GPHN: variants seen among roughly 807,000 people sequenced by gnomAD.
GPHN encodes the protein gephyrin.
Under a neutral mutation model 95.5 loss-of-function variants are expected in GPHN, and 17 were observed. The observed-to-expected ratio is 0.18, with a 90% CI of 0.12 to 0.27. The LOEUF is 0.27. Ranked by LOEUF, GPHN falls within the 10% of genes least tolerant of loss-of-function variation. The pLI is 1.00. For synonymous variants in GPHN, 320 were observed against 322.5 expected (o/e 0.99, Z 0.08); for missense variants, 660 against 978.1 (o/e 0.67, Z 4.34).
intron 6 of GPHN, among the ~76,000 whole-genome samples, chr14:66,921,997 T>C (rs748202052): frequency 3.9e-5 from 6 of 152,132 alleles, no homozygotes; most frequent in Non-Finnish European, 8.8e-5. Context: ...CTGGGATAAT[T>C]GGCTAGCCCT....
the GPHN span, among the ~76,000 whole-genome samples, chr14:67,194,764 T>A: frequency 2.6e-5 from 4 of 152,260 alleles, no homozygotes; most frequent in African/African-American, 9.6e-5. Flanking sequence ...TTCAAGTGAT[T>A]CTCCTGCCTC....
chr14:66,545,537 G>A (rs867199778), intron 1 of GPHN, among the ~76,000 whole-genome samples: 302 of 79,640 alleles, frequency 3.8e-3, no homozygotes, highest in African/African-American at 0.02. Flanking sequence ...CCTCCCGGAC[G>A]GGGCGGCTGG....
chr14:67,673,377 G>T, the GPHN span, among the ~76,000 whole-genome samples: 1 of 151,910 alleles, frequency 6.6e-6, no homozygotes, highest in Non-Finnish European at 1.5e-5. Context: ...AAATAAAACT[G>T]AAGTCCCATC....
intron 10 of GPHN, among the ~76,000 whole-genome samples, chr14:67,049,315 C>T (rs1168961570): frequency 2.0e-5 from 3 of 152,052 alleles, no homozygotes; most frequent in African/African-American, 7.2e-5. Context: ...GCAAGCTCCG[C>T]CTCCCGGGTT....
At chr14:67,630,227 A>G in the GPHN span, among the ~76,000 whole-genome samples, 2 of 152,346 alleles carry the variant, frequency 1.3e-5, no homozygotes, top group South Asian at 2.1e-4. Flanking sequence ...GGTATCATAG[A>G]TAACAGTGCC....
chr14:67,687,063 G>A, the GPHN span, among the ~76,000 whole-genome samples: 1 of 152,186 alleles, frequency 6.6e-6, no homozygotes, highest in Non-Finnish European at 1.5e-5. Flanking sequence ...CAGGCAAAAG[G>A]GTTCTGATGA....
chr14:67,182,614 G>A (rs1221330102), downstream of GPHN, among the ~76,000 whole-genome samples: 1 of 152,048 alleles, frequency 6.6e-6, no homozygotes, highest in African/African-American at 2.4e-5. Context: ...TTATGTGCTT[G>A]GGTACAAAGT....
At chr14:66,571,231 G>T (rs185504254) in intron 1 of GPHN, among the ~76,000 whole-genome samples, 271 of 152,222 alleles carry the variant, frequency 1.8e-3, no homozygotes, top group African/African-American at 6.2e-3. Context: ...AGTGGGAAGA[G>T]CCCCTTAGAA....
the GPHN span, among the ~76,000 whole-genome samples, chr14:67,638,039 G>A: frequency 0.012 from 1,773 of 152,260 alleles, 33 homozygotes; most frequent in African/African-American, 0.041. Context: ...CAAAGTCCTA[G>A]GCATGAGAGC....
At chr14:66,548,567 G>A (rs8012784) in intron 1 of GPHN, among the ~76,000 whole-genome samples, 38,422 of 152,056 alleles carry the variant, frequency 0.25, 9,777 homozygotes, top group African/African-American at 0.62. Flanking sequence ...TTCCACCGAC[G>A]AGCAGTTTCC....
the GPHN span, among the ~76,000 whole-genome samples, chr14:67,513,513 C>A: frequency 5.9e-5 from 9 of 152,176 alleles, no homozygotes; most frequent in Admixed American, 5.9e-4. Context: ...GCCTGTTGTC[C>A]CCACCCAACG....
At chr14:67,142,639 A>AT (rs1407365500) in intron 17 of GPHN, among the ~76,000 whole-genome samples, 1 of 152,066 alleles carries the variant, frequency 6.6e-6, no homozygotes, top group African/African-American at 2.4e-5. Flanking sequence ...AACATTATGA[A>AT]TACCTACTGG....
chr14:67,726,099 G>T, the GPHN span: 2 of 1,614,130 alleles, frequency 1.2e-6, no homozygotes, highest in Non-Finnish European at 1.7e-6. Flanking sequence ...GTAATGATGT[G>T]TCCATATTCC....
rs186584743 is a variant in GPHN, at chr14:67,078,699, G to C, written c.1145-10284G>C. ...AATGAAGTCTAATACTGACTGGTTG[G>C]AAAAGCTAGAAAATTGTTTAGTCCT... On this transcript the variant is annotated intron_variant, in intron 11 of 22. Coordinates refer to ENST00000478722, the MANE Select transcript of GPHN (RefSeq NM_020806.5). Among the ~76,000 whole-genome samples the C allele has an allele frequency of 3.3e-5, 5 of 152,218 alleles. No homozygotes were observed. The East Asian group carries it at 7.7e-4, about 23-fold the overall frequency.
At chr14:67,065,076 A>G (rs1050723435) in intron 11 of GPHN, among the ~76,000 whole-genome samples, 7 of 152,208 alleles carry the variant, frequency 4.6e-5, no homozygotes, top group African/African-American at 1.4e-4. Context: ...ATTTAGTGCT[A>G]TAAGTTTCCC....
chr14:66,712,313 G>T (rs2069719828), intron 2 of GPHN, among the ~76,000 whole-genome samples: 1 of 152,112 alleles, frequency 6.6e-6, no homozygotes. Flanking sequence ...TCTCCTTGTG[G>T]TTTTGATTTG....
At chr14:66,526,206 T>C (rs901260555) in intron 1 of GPHN, among the ~76,000 whole-genome samples, 1 of 152,166 alleles carries the variant, frequency 6.6e-6, no homozygotes, top group Non-Finnish European at 1.5e-5. Context: ...TTCACATCCG[T>C]TGTAAGTTGT....
the GPHN span, chr14:67,729,342 G>T: frequency 6.3e-7 from 1 of 1,598,772 alleles, no homozygotes; most frequent in Non-Finnish European, 8.5e-7. Context: ...ACTGCGCCCT[G>T]GCTGAGGGCC....
chr14:66,618,431 A>G (rs999477192), intron 1 of GPHN, among the ~76,000 whole-genome samples: 5 of 152,300 alleles, frequency 3.3e-5, no homozygotes, highest in South Asian at 2.1e-4. Flanking sequence ...AAATTTATCT[A>G]TTGAAAAGGT....
Sources: allele counts gnomAD v4.1 joint callset (sites outside exome capture counted in the v4.1 genomes callset), GRCh38; gene constraint gnomAD v4.1.1; transcripts MANE v1.5; gene names NCBI Gene and HGNC (gene_info 2026-07-23, HGNC 2026-07-21).